SLC4A3: variants seen among roughly 807,000 people sequenced by gnomAD.
The protein encoded by SLC4A3 is anion exchange protein 3.
SLC4A3 carries 47 observed loss-of-function variants against 114.2 expected under a neutral mutation model. The observed-to-expected ratio is 0.41, with a 90% CI of 0.33 to 0.52. SLC4A3 has a LOEUF of 0.52. Ranked by LOEUF, SLC4A3 falls within the 20% of genes least tolerant of loss-of-function variation. The pLI, the probability that SLC4A3 is intolerant of heterozygous loss-of-function variation, is 0.21. For missense variants in SLC4A3, 1,312 were observed against 1,668.3 expected (o/e 0.79, Z 3.72); for synonymous variants, 693 against 710.3 (o/e 0.98, Z 0.39).
In SLC4A3 at chr2:219,631,373, G is replaced by T. The variant is rs747203907; in HGVS notation, c.812-595G>T. ...ACTCACTGGCCCCGGAAGACTTAGA[G>T]ATGTTTGTGCTGGACTTTGAGGATG... On this transcript the variant is annotated intron_variant, in intron 6 of 22. Transcript: ENST00000358055. The surrounding 1 kb of genome is among the most constrained non-coding windows in gnomAD (Gnocchi z 6.3). 1 of 1,304,314 alleles carries T rather than the reference G, an allele frequency of 7.7e-7. No homozygotes were observed. The highest frequency in any genetic ancestry group is 1.2e-5 in the South Asian group (1 of 81,034). The allele number at this position is 1,304,314 out of a possible 1,614,324, so 80.8% of individuals were successfully genotyped here.
Position 219,629,232 on chromosome 2 carries a change from T to C in SLC4A3, c.306T>C (p.Ser102=). 1.2e-6 allele frequency: 2 copies of C among 1,613,466 alleles called. No homozygotes were observed. Among genetic ancestry groups the C allele is most frequent in the East Asian group, 2.2e-5 (1 of 44,852 alleles). ...PHKLRRLPPT[S]ARHTRRKRKK... is the part of the protein sequence containing the mutation. ...AGCTGCGGCGGCTGCCCCCCACCTC[T>C]GCCCGGCACACCAGGAGAAAGAGGA... Residue 102 remains serine (S), a synonymous_variant, in exon 4 of 23, where the codon TCT becomes TCC. Coordinates refer to ENST00000358055, the MANE Select transcript of SLC4A3 (RefSeq NM_005070.4).
In SLC4A3 at chr2:219,638,605, C is replaced by T. The variant is rs1301046573; in HGVS notation, c.2857-98C>T. ...CCTGACCTGTTCACACCCCAGCTCC[C>T]TGAAGTCCTGGACTGGGGACGCAGC... On this transcript the variant is annotated intron_variant, in intron 18 of 22. Coordinates refer to ENST00000358055, the MANE Select transcript of SLC4A3 (RefSeq NM_005070.4). This position sits in a 1 kb window ranked among gnomAD's most constrained non-coding sequence, Gnocchi z 7.5. 8.3e-5 allele frequency: 107 copies of T among 1,283,610 alleles called. 1 individual carries two copies. Among genetic ancestry groups the T allele is most frequent in the East Asian group, 2.3e-5 (1 of 42,632 alleles). The allele number at this position is 1,283,610 out of a possible 1,614,324, so 79.5% of individuals were successfully genotyped here. A position where few individuals can be genotyped will look rare whatever the true frequency, so the allele number is the denominator to read the frequency against.
rs904249474 is a variant in SLC4A3 at position 219,639,576 on chromosome 2, C to A, written c.3118C>A (p.Leu1040Met). Residue 1040 changes from leucine to methionine, a missense_variant, in exon 20 of 23, where the codon CTG becomes ATG. Around this residue, in one of 4 missense-constraint regions of SLC4A3, gnomAD observed 301 missense variants for 460.7 expected, o/e 0.65. Transcript: ENST00000358055. This position sits in a 1 kb window ranked among gnomAD's most constrained non-coding sequence, Gnocchi z 5.9. ...TGGCTCCCTGGGGGGGCTCTGTGGG[C>A]TGTTTGGGTTGCCCTGGCTCACGGC... Reference protein sequence around the residue: ...LIGSLGGLCGLFGLPWLTAAT... With the variant: ...LIGSLGGLCGMFGLPWLTAAT... 1 of 1,614,102 alleles carries A rather than the reference C, an allele frequency of 6.2e-7. No homozygotes were observed. Among genetic ancestry groups the A allele is most frequent in the Non-Finnish European group, 8.5e-7 (1 of 1,180,042 alleles).
chr2:219,636,421 C>T lies in SLC4A3; in HGVS notation c.2311C>T (p.Leu771=). The T allele has an allele frequency of 6.2e-7, 1 of 1,612,284 alleles. No individual in the cohort carries two copies. The highest frequency in any genetic ancestry group is 1.3e-5 in the African/African-American group (1 of 74,940). The change falls in exon 15 of 23, where the codon CTG becomes TTG. Residue 771 remains leucine (L), a synonymous_variant. Coordinates refer to ENST00000358055, the MANE Select transcript of SLC4A3 (RefSeq NM_005070.4). The surrounding 1 kb of genome is among the most constrained non-coding windows in gnomAD (Gnocchi z 5.5). The stretch of plus-strand genomic sequence containing the variant: ...GCTTGTGGTTGGCTTCTCTGGGCCG[C>T]TGCTTGTGTTTGAGGAAGCCTTCTT... The part of the protein sequence containing the change: ...PLLVVGFSGP[L]LVFEEAFFKF...
rs1347150261 is a variant in SLC4A3, at chr2:219,630,847, T to C, written c.811+495T>C. ...TCAGTGCCCTGGTTTCTGTGCCACC[T>C]GTCATCACCCGTGGGGCTCTGTGCC... On this transcript the variant is annotated intron_variant, in intron 6 of 22. Transcript: ENST00000358055. This position sits in a 1 kb window ranked among gnomAD's most constrained non-coding sequence, Gnocchi z 6.9. Among the ~76,000 whole-genome samples the C allele has an allele frequency of 6.6e-6, 1 of 152,156 alleles. No homozygotes were observed. The highest frequency in any genetic ancestry group is 2.4e-5 in the African/African-American group (1 of 41,424).
Position 219,632,461 on chromosome 2 carries a change from G to T in SLC4A3, c.1141+19G>T. ...GCCCATGGTAGGGACCCCCAGGCCT[G>T]GCCCGAGGCTGCAAGCCCTCTTCAG... On this transcript the variant is annotated intron_variant, in intron 8 of 22. Coordinates refer to ENST00000358055, the MANE Select transcript of SLC4A3 (RefSeq NM_005070.4). The T allele has an allele frequency of 6.4e-7, 1 of 1,568,180 alleles. No individual in the cohort carries two copies.
Position 219,639,576 on chromosome 2 carries a change from C to T in SLC4A3, c.3118C>T (p.Leu1040=). 1 of 1,614,102 alleles carries T rather than the reference C, an allele frequency of 6.2e-7. No individual in the cohort carries two copies. The highest frequency in any genetic ancestry group is 8.5e-7 in the Non-Finnish European group (1 of 1,180,042). The change falls in exon 20 of 23, where the codon CTG becomes TTG. Residue 1040 remains leucine, a synonymous_variant. Transcript: ENST00000358055. This position sits in a 1 kb window ranked among gnomAD's most constrained non-coding sequence, Gnocchi z 5.9. ...LIGSLGGLCG[L]FGLPWLTAAT... ...TGGCTCCCTGGGGGGGCTCTGTGGGCTGTTTGGGTTGCCCTGGCTCACGGC... is the reference window on the plus strand; with the variant it reads ...TGGCTCCCTGGGGGGGCTCTGTGGGTTGTTTGGGTTGCCCTGGCTCACGGC...
chr2:219,637,536 C>A lies in SLC4A3; in HGVS notation c.2536-45C>A. The A allele has an allele frequency of 1.8e-6, 2 of 1,119,706 alleles. No individual in the cohort carries two copies. Among genetic ancestry groups the A allele is most frequent in the Non-Finnish European group, 2.6e-6 (2 of 764,596 alleles). 69.4% of individuals were successfully genotyped at this position (1,119,706 alleles called of 1,614,324 possible). On this transcript the variant is annotated intron_variant, in intron 16 of 22. Transcript: ENST00000358055. The surrounding 1 kb of genome is among the most constrained non-coding windows in gnomAD (Gnocchi z 4.6). ...TGTACTGATGACGATGAAGTCAGGT[C>A]ACCTGCCAGGTGAGTGACAAGGCAT...
At position 219,628,783 on chromosome 2, in the gene SLC4A3, G is replaced by A; in HGVS notation, c.217+213G>A. 1 of 617,152 alleles carries A rather than the reference G, an allele frequency of 1.6e-6. No individual in the cohort carries two copies. 38.2% of individuals were successfully genotyped at this position (617,152 alleles called of 1,614,324 possible). ...CCTGGGGAGGTGGGCCCCAGACCAGGGGAGATCTAGGGAGCTGGGCCTGGG... is the reference window on the plus strand; with the variant it reads ...CCTGGGGAGGTGGGCCCCAGACCAGAGGAGATCTAGGGAGCTGGGCCTGGG... On this transcript the variant is annotated intron_variant, in intron 3 of 22. Coordinates refer to ENST00000358055, the MANE Select transcript of SLC4A3 (RefSeq NM_005070.4). The surrounding 1 kb of genome is among the most constrained non-coding windows in gnomAD (Gnocchi z 4.8).
chr2:219,629,073 T>A, intron 3 of SLC4A3, 71 bp from the exon 4 acceptor site: 1 of 1,489,444 alleles, frequency 6.7e-7, no homozygotes, highest in Non-Finnish European at 8.9e-7. Flanking sequence ...AGCTGGAAGG[T>A]GTGTGCCCTC....
rs1325623493 is a variant in SLC4A3, at chr2:219,633,924, C to T, written c.1506C>T (p.Ser502=). 1.3e-6 allele frequency: 2 copies of T among 1,561,956 alleles called. No homozygotes were observed. The highest frequency in any genetic ancestry group is 1.7e-6 in the Non-Finnish European group (2 of 1,152,370). Residue 502 remains serine, a synonymous_variant, in exon 11 of 23, where the codon AGC becomes AGT. Transcript: ENST00000358055. ...MPGGDGHRGK[S]LKLLEKIPED... is the part of the protein sequence containing the mutation. Reference sequence around the variant, plus strand: ...GGGGAGATGGTCACCGGGGGAAAAGCCTGAAGCTGCTGGAGAAGATCCCTG... The same window carrying T: ...GGGGAGATGGTCACCGGGGGAAAAGTCTGAAGCTGCTGGAGAAGATCCCTG...
chr2:219,635,933 C>A, intron 14 of SLC4A3, 42 bp downstream of exon 14: 1 of 1,404,426 alleles, frequency 7.1e-7, no homozygotes, highest in Non-Finnish European at 9.4e-7. Flanking sequence ...CTCCTCTAGT[C>A]ACTTCTGGTC....
intron 10 of SLC4A3, 163 bp from the exon 11 acceptor site, chr2:219,633,717 T>A (rs1699022108): frequency 1.8e-6 from 2 of 1,132,920 alleles, no homozygotes; most frequent in Non-Finnish European, 2.4e-6. Context: ...CGAGGCAGGG[T>A]CCACATCCCA....
In SLC4A3 at chr2:219,629,566, TTC is replaced by T; in HGVS notation, c.496-12_496-11del. On this transcript the variant is annotated splice_polypyrimidine_tract_variant and intron_variant, in intron 4 of 22. Transcript: ENST00000358055. ...GGTCGGGGCAAGGCCCCAGGGCACA[TTC>T]TATGTCTGCAGTTCTCCATTGGAAG... 1 of 1,605,128 alleles carries T rather than the reference TTC, an allele frequency of 6.2e-7. No homozygotes were observed. Among genetic ancestry groups the T allele is most frequent in the Non-Finnish European group, 8.5e-7 (1 of 1,172,434 alleles).
At position 219,637,626 on chromosome 2, in the gene SLC4A3, G is replaced by T; in HGVS notation, c.2581G>T (p.Ala861Ser). Reference protein sequence around the residue: ...PLLPFYPPEGALEGSLDAGLE... With the variant: ...PLLPFYPPEGSLEGSLDAGLE... ...GCTGCCGTTCTACCCCCCTGAGGGG[G>T]CCCTGGAGGGGTCCCTGGATGCTGG... Residue 861 changes from alanine (A) to serine (S), a missense_variant, in exon 17 of 23, where the codon GCC (alanine) becomes TCC (serine). Transcript: ENST00000358055. This position sits in a 1 kb window ranked among gnomAD's most constrained non-coding sequence, Gnocchi z 4.6. 6.2e-7 allele frequency: 1 copy of T among 1,612,422 alleles called. No individual in the cohort carries two copies. The highest frequency in any genetic ancestry group is 8.5e-7 in the Non-Finnish European group (1 of 1,178,760).
Position 219,636,018 on chromosome 2 carries a change from G to A in SLC4A3, c.2191+127G>A. On this transcript the variant is annotated intron_variant, in intron 14 of 22. Coordinates refer to ENST00000358055, the MANE Select transcript of SLC4A3 (RefSeq NM_005070.4). This position sits in a 1 kb window ranked among gnomAD's most constrained non-coding sequence, Gnocchi z 5.5. ...CCAATGGTTAGATGTGCTAGCAAAG[G>A]TGTAAGCACCTTACAGAGATGCTGG... 1 of 783,634 alleles carries A rather than the reference G, an allele frequency of 1.3e-6. No homozygotes were observed. The allele number at this position is 783,634 out of a possible 1,614,324, so 48.5% of individuals were successfully genotyped here.
intron 7 of SLC4A3, 35 bp from the exon 8 acceptor site, chr2:219,632,226 TG>T: frequency 6.2e-7 from 1 of 1,613,354 alleles, no homozygotes; most frequent in East Asian, 2.2e-5. Context: ...CCACACCTGT[TG>T]GCCCCTGGGC....
rs751919149 is a variant in SLC4A3 at position 219,640,996 on chromosome 2, G to C, written c.3621+34G>C. ...GTGGTGGTCTGGGGAAACAGTGTTA[G>C]GGCAAATGGGCACTGGGTTCCAATC... is the stretch of plus-strand genomic sequence containing the variant. On this transcript the variant is annotated intron_variant, in intron 22 of 22. Transcript: ENST00000358055. 2.5e-6 allele frequency: 4 copies of C among 1,583,578 alleles called. No individual in the cohort carries two copies. In the African/African-American group the frequency reaches 4.0e-5, roughly 16 times the overall value.
Position 219,631,581 on chromosome 2 carries a change from T to G in SLC4A3, c.812-387T>G. ...TACCTTCGGGGAGGGGACGTGGGTG[T>G]TGAGATAGGGTGCACGGAAAATGTT... On this transcript the variant is annotated intron_variant, in intron 6 of 22. Transcript: ENST00000358055. The surrounding 1 kb of genome is among the most constrained non-coding windows in gnomAD (Gnocchi z 6.3). 1 of 905,566 alleles carries G rather than the reference T, an allele frequency of 1.1e-6. No individual in the cohort carries two copies. The highest frequency in any genetic ancestry group is 1.5e-6 in the Non-Finnish European group (1 of 668,042). The allele number at this position is 905,566 out of a possible 1,614,324, so 56.1% of individuals were successfully genotyped here.
Sources: gnomAD v4.1 joint callset for allele counts (sites outside exome capture counted in the v4.1 genomes callset) on GRCh38, gnomAD v4.1.1 for gene constraint, gnomAD v4.1.1 regional missense constraint, Gnocchi (gnomAD v3.1) non-coding constraint, MANE v1.5 for transcripts, NCBI Gene and HGNC (gene_info 2026-07-23, HGNC 2026-07-21) for gene names.